Variants in CENATAC observed in about 807,000 individuals in gnomAD.
CENATAC encodes the protein centrosomal AT-AC splicing factor, also known as coiled-coil domain containing 84.
In CENATAC, 53 loss-of-function variants were observed where a neutral mutation model predicts 53.7. The observed-to-expected ratio is 0.99, with a 90% CI of 0.79 to 1.24. The LOEUF is 1.24. Ranked by LOEUF, CENATAC falls within the 50% of genes most tolerant of loss-of-function variation. The pLI is 0.00. For synonymous variants in CENATAC, 156 were observed against 144.6 expected (o/e 1.08, Z -0.57); for missense variants, 474 against 417.8 (o/e 1.13, Z -1.17).
chr11:119,000,374 G>A (rs117819698), intron 3 of CENATAC, among the ~76,000 whole-genome samples: 2,449 of 150,840 alleles, frequency 0.016, 33 homozygotes, highest in Non-Finnish European at 0.024. Context: ...AAAAGGTATT[G>A]TGCAAAGCAT....
chr11:119,002,224 CAAAAAAAA>C (rs782664366), intron 3 of CENATAC, among the ~76,000 whole-genome samples: 5 of 49,556 alleles, frequency 1.0e-4, no homozygotes, highest in Non-Finnish European at 1.9e-4. Flanking sequence ...AACTCTGTCT[CAAAAAAAA>C]AAAAAAAAAA....
chr11:119,008,793 C>T (rs1341254478), intron 3 of CENATAC, among the ~76,000 whole-genome samples: 1 of 152,194 alleles, frequency 6.6e-6, no homozygotes, highest in Admixed American at 6.5e-5. Context: ...GGGCAGAGGT[C>T]CCTGCGGCTT....
rs1943130773 is a variant in CENATAC at position 119,015,635 on chromosome 11, A to G, written c.*37A>G. The G allele has an allele frequency of 6.2e-7, 1 of 1,605,938 alleles. No homozygotes were observed. The highest frequency in any genetic ancestry group is 8.5e-7 in the Non-Finnish European group (1 of 1,172,870). On this transcript the variant is annotated 3_prime_UTR_variant, in exon 11 of 11. Transcript: ENST00000334418. ...ACCAACTACCATGAGGCTAAAAGCA[A>G]AGTCAACAAACCCCTATTATACCTT...
In CENATAC at chr11:119,010,816, A is replaced by G. The variant is rs2134561741; in HGVS notation, c.436A>G (p.Lys146Glu). The G allele has an allele frequency of 2.5e-6, 4 of 1,614,170 alleles. No individual in the cohort carries two copies. Among genetic ancestry groups the G allele is most frequent in the South Asian group, 1.1e-5 (1 of 91,088 alleles). The change falls in exon 4 of 11, where the codon AAA becomes GAA. Residue 146 changes from lysine (K) to glutamate (E), a missense_variant. By Grantham distance (56) the Lys-to-Glu change is moderately conservative. Transcript: ENST00000334418. ...GLDSYEEKED[K>E]VIKEMAAQIR... ...GGATTCCTATGAAGAAAAGGAGGATAAAGTGATCAAGGAGGTAAGTTAAAG... is the reference window on the plus strand; with the variant it reads ...GGATTCCTATGAAGAAAAGGAGGATGAAGTGATCAAGGAGGTAAGTTAAAG...
chr11:119,009,221 G>C (rs1368546227), intron 3 of CENATAC, among the ~76,000 whole-genome samples: 1 of 151,938 alleles, frequency 6.6e-6, no homozygotes, highest in Non-Finnish European at 1.5e-5. Flanking sequence ...CTCCACCTCC[G>C]AGGTTCAAGC....
chr11:119,012,086 T>A, intron 6 of CENATAC, 63 bp from the exon 7 acceptor site: 1 of 1,613,928 alleles, frequency 6.2e-7, no homozygotes, highest in South Asian at 1.1e-5. Flanking sequence ...TGGAAACAGA[T>A]CTAATCTTTA....
intron 8 of CENATAC, chr11:119,014,546 AG>A (rs1335317216): frequency 5.9e-5 from 9 of 152,582 alleles, no homozygotes; most frequent in African/African-American, 2.2e-4. Flanking sequence ...GATTGTGTCC[AG>A]CCTGGGCTAG....
At chr11:118,999,837 T>A (rs1942203367) in intron 3 of CENATAC, among the ~76,000 whole-genome samples, 1 of 152,110 alleles carries the variant, frequency 6.6e-6, no homozygotes, top group Non-Finnish European at 1.5e-5. Flanking sequence ...AGAGACGGGG[T>A]TTCACCGTGT....
At chr11:119,013,883 GAATAATGTTC>G (rs1352201411) in intron 8 of CENATAC, among the ~76,000 whole-genome samples, 1 of 151,886 alleles carries the variant, frequency 6.6e-6, no homozygotes, top group Non-Finnish European at 1.5e-5. Flanking sequence ...AAAAGCATAT[GAATAATGTTC>G]AACATTAGTC....
intron 3 of CENATAC, among the ~76,000 whole-genome samples, chr11:119,008,579 G>A (rs931892766): frequency 5.3e-5 from 8 of 152,114 alleles, no homozygotes; most frequent in Admixed American, 6.6e-5. Context: ...GTTTTAAGCC[G>A]AGACATTCAG....
chr11:119,008,412 T>C (rs577459898), intron 3 of CENATAC, among the ~76,000 whole-genome samples: 12 of 152,348 alleles, frequency 7.9e-5, no homozygotes, highest in African/African-American at 1.4e-4. Flanking sequence ...GGGAAAGTAC[T>C]ATGCCTGGAC....
intron 8 of CENATAC, 95 bp downstream of exon 8, chr11:119,013,357 G>T: frequency 1.1e-6 from 1 of 874,472 alleles, no homozygotes. Flanking sequence ...GTGCAGTGGC[G>T]CAATCTCAGC....
intron 2 of CENATAC, 81 bp downstream of exon 2, chr11:118,998,674 AC>A: frequency 6.8e-7 from 1 of 1,473,456 alleles, no homozygotes; most frequent in Non-Finnish European, 9.1e-7. Context: ...GAGAAAAAGG[AC>A]GCTTTTGTGA....
At chr11:118,998,763 G>A (rs917393029) in intron 2 of CENATAC, among the ~76,000 whole-genome samples, 170 bp downstream of exon 2, 1 of 152,146 alleles carries the variant, frequency 6.6e-6, no homozygotes, top group Admixed American at 6.5e-5. Flanking sequence ...TGCTGCCACG[G>A]TCCCAAGTGG....
chr11:119,011,358 T>C (rs1565668112), intron 5 of CENATAC, 75 bp downstream of exon 5: 11 of 1,365,684 alleles, frequency 8.1e-6, no homozygotes, highest in Non-Finnish European at 1.0e-5. Flanking sequence ...CAGCATTTCA[T>C]GGACTAGTGC....
chr11:119,009,026 C>T lies in CENATAC; in HGVS notation c.384-1738C>T, dbSNP rs532312763. ...AAGCTACAAATCAACAACATCTCAG[C>T]AAAGCAACTGTTTAAAGTACAGGTC... is the stretch of plus-strand genomic sequence containing the variant. On this transcript the variant is annotated intron_variant, in intron 3 of 10. Transcript: ENST00000334418. Among the ~76,000 whole-genome samples the T allele has an allele frequency of 7.2e-5, 11 of 152,306 alleles. No homozygotes were observed. The South Asian group carries it at 2.3e-3, about 32-fold the overall frequency.
intron 3 of CENATAC, chr11:119,005,691 C>T (rs571881582): frequency 6.6e-6 from 1 of 151,618 alleles, no homozygotes; most frequent in Non-Finnish European, 1.5e-5. Flanking sequence ...AACTCAGTTT[C>T]CAGGAACTTC....
At chr11:119,008,604 CA>C (rs1399549493) in intron 3 of CENATAC, among the ~76,000 whole-genome samples, 1 of 152,146 alleles carries the variant, frequency 6.6e-6, no homozygotes, top group Non-Finnish European at 1.5e-5. Context: ...CAGGGGCAAG[CA>C]GGAGATAGTG....
In CENATAC at chr11:119,015,699, ACATACT is replaced by A. The variant is rs577898720; in HGVS notation, c.*105_*110del. On this transcript the variant is annotated 3_prime_UTR_variant, in exon 11 of 11. Coordinates refer to ENST00000334418, the MANE Select transcript of CENATAC (RefSeq NM_198489.3). ...TATCATTGTCTTTCTTAGGAAACAG[ACATACT>A]CATTCATTTGATTTAATAAAGTTTT... is the stretch of plus-strand genomic sequence containing the variant. The A allele has an allele frequency of 4.5e-4, 600 of 1,335,002 alleles. 9 individuals carry two copies. The South Asian group carries it at 6.8e-3, about 15-fold the overall frequency. 82.7% of individuals were successfully genotyped at this position (1,335,002 alleles called of 1,614,324 possible).
Sources: gnomAD v4.1 joint callset for allele counts (sites outside exome capture counted in the v4.1 genomes callset) on GRCh38, gnomAD v4.1.1 for gene constraint, MANE v1.5 for transcripts, NCBI Gene and HGNC (gene_info 2026-07-23, HGNC 2026-07-21) for gene names.